SEMA6A: variants seen among roughly 807,000 people sequenced by gnomAD.
SEMA6A encodes the protein semaphorin 6A, also known as semaphorin-6A.
In SEMA6A, 25 loss-of-function variants were observed where a neutral mutation model predicts 96.8. The observed-to-expected ratio is 0.26, with a 90% confidence interval of 0.19 to 0.36. The LOEUF is 0.36. Among genes scored for constraint, SEMA6A ranks in the 10% least tolerant of loss-of-function variants. The pLI, the probability that SEMA6A is intolerant of heterozygous loss-of-function variation, is 1.00. For synonymous variants in SEMA6A, 612 were observed against 518.0 expected, an observed-to-expected ratio of 1.18 and a Z score of -2.46; for missense variants, 1,363 against 1,323.1, an observed-to-expected ratio of 1.03 and a Z score of -0.47.
chr5:116,475,629 G>A, intron 15 of SEMA6A, 26 bp from the exon 16 acceptor site: 1 of 1,542,014 alleles, frequency 6.5e-7, no homozygotes, highest in South Asian at 1.2e-5. Flanking sequence ...GGGAAAGAGA[G>A]ACAGAAATGA....
intron 1 of SEMA6A, among the ~76,000 whole-genome samples, chr5:116,556,988 A>G (rs980874843): frequency 1.3e-5 from 2 of 152,346 alleles, no homozygotes; most frequent in African/African-American, 4.8e-5. Context: ...TCTTCATCCA[A>G]GAAAAAGCAG....
At chr5:116,537,637 T>C (rs953565316) in intron 1 of SEMA6A, among the ~76,000 whole-genome samples, 6 of 152,154 alleles carry the variant, frequency 3.9e-5, no homozygotes, top group East Asian at 1.9e-4. Flanking sequence ...CAAAGATTAA[T>C]TGAACAAAGA....
chr5:116,480,495 A>T (rs1454232356), intron 11 of SEMA6A, among the ~76,000 whole-genome samples: 1 of 152,194 alleles, frequency 6.6e-6, no homozygotes, highest in Non-Finnish European at 1.5e-5. Context: ...AGCACAGTTC[A>T]GCCTCAGCTG....
chr5:116,560,658 C>T (rs918863155), intron 1 of SEMA6A, among the ~76,000 whole-genome samples: 11 of 152,026 alleles, frequency 7.2e-5, no homozygotes, highest in South Asian at 2.1e-4. Flanking sequence ...TTCTACCCTG[C>T]GCCAGGGTCA....
intron 18 of SEMA6A, among the ~76,000 whole-genome samples, chr5:116,453,119 G>C (rs752749865): frequency 1.5e-4 from 23 of 152,314 alleles, no homozygotes; most frequent in South Asian, 1.0e-3. Flanking sequence ...GGGAAGGAAA[G>C]GGAAGGCCGT....
chr5:116,504,972 T>C lies in SEMA6A; in HGVS notation c.-28A>G. ...TAGTTCAGCGGGGAGACTTTATTTC[T>C]CTACTTCACCCTGCCAAAAAGTAAA... On this transcript the variant is annotated 5_prime_UTR_variant, in exon 2 of 19. Transcript: ENST00000343348. 2.0e-6 allele frequency: 3 copies of C among 1,489,392 alleles called. No homozygotes were observed. In the South Asian group the frequency reaches 3.6e-5, roughly 18 times the overall value. 92.3% of individuals were successfully genotyped at this position (1,489,392 alleles called of 1,614,324 possible).
chr5:116,546,586 T>G (rs548657168), intron 1 of SEMA6A, among the ~76,000 whole-genome samples: 6 of 152,334 alleles, frequency 3.9e-5, no homozygotes, highest in African/African-American at 1.4e-4. Flanking sequence ...TAATAAGCTT[T>G]TGGGTGATGC....
chr5:116,446,415 C>G lies in SEMA6A; in HGVS notation c.*198G>C, dbSNP rs527552975. ...GAAGAGAATGAAGGTGAGTCCCCGC[C>G]GTTGCAAACCTTCACCAAACCACGC... On this transcript the variant is annotated 3_prime_UTR_variant, in exon 19 of 19. Transcript: ENST00000343348. The G allele has an allele frequency of 6.2e-6, 3 of 480,754 alleles. No individual in the cohort carries two copies. The highest frequency in any genetic ancestry group is 1.9e-5 in the African/African-American group (1 of 51,400). The allele number at this position is 480,754 out of a possible 1,614,324, so 29.8% of individuals were successfully genotyped here. A position where few individuals can be genotyped will look rare whatever the true frequency, so the allele number is the denominator to read the frequency against.
intron 12 of SEMA6A, among the ~76,000 whole-genome samples, chr5:116,478,971 C>T (rs1231288277): frequency 6.7e-6 from 1 of 148,466 alleles, no homozygotes; most frequent in Non-Finnish European, 1.5e-5. Context: ...TGTTTGCAGG[C>T]CAAGTACTAT....
At chr5:116,474,287 C>T (rs1187933741) in intron 16 of SEMA6A, among the ~76,000 whole-genome samples, 1 of 150,860 alleles carries the variant, frequency 6.6e-6, no homozygotes, top group South Asian at 2.1e-4. Flanking sequence ...TGCACACACA[C>T]ACACACACAC....
chr5:116,446,815 T>C lies in SEMA6A; in HGVS notation c.2891A>G (p.Gln964Arg). Residue 964 changes from glutamine to arginine, a missense_variant, in exon 19 of 19, where the codon CAG (glutamine) becomes CGG (arginine). By Grantham distance (43) the Gln-to-Arg change is conservative. This residue lies in a region of SEMA6A where 883 missense variants were observed against 763.6 expected (regional missense o/e 1.16). Coordinates refer to ENST00000343348, the MANE Select transcript of SEMA6A (RefSeq NM_020796.5). ...GTGCACCTGGATGGAGTCCACCCTC[T>C]GCGGGGCGGGCGGCGGGTTGTCTCC... ...GRGDNPPPAPQRVDSIQVHSS... is the reference protein window; with the variant it reads ...GRGDNPPPAPRRVDSIQVHSS... The C allele has an allele frequency of 6.2e-7, 1 of 1,613,714 alleles. No individual in the cohort carries two copies. Among genetic ancestry groups the C allele is most frequent in the Non-Finnish European group, 8.5e-7 (1 of 1,179,760 alleles).
At position 116,491,685 on chromosome 5, in the gene SEMA6A, T is replaced by G. The variant is rs1757332800; in HGVS notation, c.535+55A>C. The G allele has an allele frequency of 2.4e-5, 32 of 1,319,554 alleles. No homozygotes were observed. The Admixed American group carries it at 5.2e-4, about 21-fold the overall frequency. The allele number at this position is 1,319,554 out of a possible 1,614,324, so 81.7% of individuals were successfully genotyped here. ...CGAATCCTCTAGAGCAGATTCACAG[T>G]GACAGGATGAAACAAGCAAAAGCAA... is the stretch of plus-strand genomic sequence containing the variant. On this transcript the variant is annotated intron_variant, in intron 7 of 18. Transcript: ENST00000343348.
intron 10 of SEMA6A, among the ~76,000 whole-genome samples, chr5:116,483,750 G>T (rs1348609240): frequency 6.6e-6 from 1 of 152,208 alleles, no homozygotes; most frequent in East Asian, 1.9e-4. Context: ...TACATATGTT[G>T]TTCACAGAAT....
intron 17 of SEMA6A, chr5:116,471,054 C>T (rs1362175011): frequency 6.6e-6 from 1 of 152,062 alleles, no homozygotes; most frequent in East Asian, 1.9e-4. Flanking sequence ...AAAAAGTTGC[C>T]AATATTTTTG....
In SEMA6A at chr5:116,481,908, A is replaced by G. The variant is rs79204706; in HGVS notation, c.1094+536T>C. ...ACTGTATTTGGACCCAAAACAGACC[A>G]AAACCTGGCAGACCAGAGACATCTT... On this transcript the variant is annotated intron_variant, in intron 11 of 18. Transcript: ENST00000343348. Among the ~76,000 whole-genome samples, 473 of 152,276 alleles carry G rather than the reference A, an allele frequency of 3.1e-3. 2 individuals are homozygous for G. Among genetic ancestry groups the G allele is most frequent in the Non-Finnish European group, 5.1e-3 (347 of 68,020 alleles).
chr5:116,527,634 T>G (rs1382874681), intron 1 of SEMA6A, among the ~76,000 whole-genome samples: 2 of 152,238 alleles, frequency 1.3e-5, no homozygotes, highest in Non-Finnish European at 2.9e-5. Context: ...ACCTCAAATG[T>G]ATACAAATGT....
intron 9 of SEMA6A, among the ~76,000 whole-genome samples, chr5:116,487,498 C>G (rs1757117199): frequency 6.6e-6 from 1 of 151,732 alleles, no homozygotes; most frequent in Non-Finnish European, 1.5e-5. Context: ...TAGTTACAGT[C>G]TCTGTGGAGC....
intron 1 of SEMA6A, among the ~76,000 whole-genome samples, chr5:116,512,145 G>A (rs1208090863): frequency 6.6e-6 from 1 of 152,140 alleles, no homozygotes; most frequent in Non-Finnish European, 1.5e-5. Context: ...CATTAAGAGG[G>A]TGCTGCTGTC....
At chr5:116,564,249 C>G (rs1426974076) in intron 1 of SEMA6A, among the ~76,000 whole-genome samples, 3 of 152,134 alleles carry the variant, frequency 2.0e-5, no homozygotes, top group Admixed American at 2.0e-4. Flanking sequence ...GAAATAAAAA[C>G]TAGTCATTTT....
Sources: gnomAD v4.1 joint callset for allele counts (sites outside exome capture counted in the v4.1 genomes callset) on GRCh38, gnomAD v4.1.1 for gene constraint, gnomAD v4.1.1 regional missense constraint, MANE v1.5 for transcripts, NCBI Gene and HGNC (gene_info 2026-07-23, HGNC 2026-07-21) for gene names.